Variants in PDCD1LG2 observed in about 807,000 individuals in gnomAD.
PDCD1LG2 encodes programmed cell death 1 ligand 2, also known as B7 dendritic cell molecule.
Under a neutral mutation model 28.2 loss-of-function variants are expected in PDCD1LG2, and 32 were observed. The observed-to-expected ratio is 1.13, with a 90% CI of 0.86 to 1.52. The LOEUF (loss-of-function observed/expected upper bound fraction) is 1.52. Ranked by LOEUF, PDCD1LG2 falls within the 40% of genes most tolerant of loss-of-function variation. PDCD1LG2 has a pLI of 0.00. For missense variants in PDCD1LG2, 385 were observed against 323.8 expected, an observed-to-expected ratio of 1.19 and a Z score of -1.45; for synonymous variants, 116 against 120.2, an observed-to-expected ratio of 0.97 and a Z score of 0.23.
rs193003396 is a variant in PDCD1LG2 at position 5,547,251 on chromosome 9, A to G, written c.362-2084A>G. On this transcript the variant is annotated intron_variant, in intron 3 of 6. Transcript: ENST00000397747. ...TATACTTCCAACAATTTAGGAGAAA[A>G]AAGTTGTATCACACCTCTGCCTTTA... Among the ~76,000 whole-genome samples, 801 of 152,338 alleles carry G rather than the reference A, an allele frequency of 5.3e-3. 4 individuals are homozygous for G. The highest frequency in any genetic ancestry group is 8.4e-3 in the Non-Finnish European group (574 of 68,028).
chr9:5,524,795 T>C (rs1160692952), intron 2 of PDCD1LG2, among the ~76,000 whole-genome samples: 7 of 152,142 alleles, frequency 4.6e-5, no homozygotes. Context: ...ATTATTTGTA[T>C]AATAAAATAT....
At chr9:5,522,062 A>G (rs771324855) in intron 1 of PDCD1LG2, among the ~76,000 whole-genome samples, 1 of 152,208 alleles carries the variant, frequency 6.6e-6, no homozygotes, top group Non-Finnish European at 1.5e-5. Flanking sequence ...TGCTCAGTCA[A>G]CTAGCAAGTA....
At chr9:5,530,115 C>T (rs769897260) in intron 2 of PDCD1LG2, among the ~76,000 whole-genome samples, 9 of 151,930 alleles carry the variant, frequency 5.9e-5, no homozygotes, top group Admixed American at 1.3e-4. Context: ...GCAAATAATT[C>T]GTTGTGTGTT....
At chr9:5,520,878 T>A (rs979306194) in intron 1 of PDCD1LG2, among the ~76,000 whole-genome samples, 2 of 152,186 alleles carry the variant, frequency 1.3e-5, no homozygotes, top group Non-Finnish European at 2.9e-5. Flanking sequence ...GTACCCAAGA[T>A]AATTAAAAGT....
At chr9:5,531,407 G>C (rs914806319) in intron 2 of PDCD1LG2, among the ~76,000 whole-genome samples, 6 of 152,160 alleles carry the variant, frequency 3.9e-5, no homozygotes, top group Admixed American at 2.6e-4. Flanking sequence ...ATTAGACCAA[G>C]TAACAATTAA....
At chr9:5,523,620 C>A (rs977223964) in intron 2 of PDCD1LG2, among the ~76,000 whole-genome samples, 1 of 152,234 alleles carries the variant, frequency 6.6e-6, no homozygotes, top group Admixed American at 6.5e-5. Context: ...CCTGCAGGGC[C>A]AGCTAAAGGA....
At chr9:5,560,063 C>T (rs987671642) in intron 5 of PDCD1LG2, among the ~76,000 whole-genome samples, 3 of 152,236 alleles carry the variant, frequency 2.0e-5, no homozygotes, top group African/African-American at 7.2e-5. Flanking sequence ...TCTACCTCCA[C>T]GCACCACACC....
intron 3 of PDCD1LG2, among the ~76,000 whole-genome samples, chr9:5,535,552 G>A (rs966285786): frequency 7.9e-5 from 12 of 152,098 alleles, no homozygotes; most frequent in South Asian, 2.1e-4. Context: ...TAGATCAGAC[G>A]ACATCACAGA....
chr9:5,514,485 C>A (rs1185251596), intron 1 of PDCD1LG2, among the ~76,000 whole-genome samples: 1 of 152,096 alleles, frequency 6.6e-6, no homozygotes, highest in African/African-American at 2.4e-5. Context: ...TTTCTGTTTA[C>A]GAACTTATCC....
At chr9:5,534,211 T>A (rs867364202) in intron 2 of PDCD1LG2, among the ~76,000 whole-genome samples, 17 of 152,278 alleles carry the variant, frequency 1.1e-4, no homozygotes, top group Middle Eastern at 3.4e-3. Context: ...GTAATAGTTA[T>A]TATTACCATC....
chr9:5,567,758 C>A (rs538189113), intron 6 of PDCD1LG2, among the ~76,000 whole-genome samples: 1 of 152,276 alleles, frequency 6.6e-6, no homozygotes, highest in East Asian at 1.9e-4. Context: ...ATTTGCAAGA[C>A]CCTGTCAGTT....
At chr9:5,513,349 C>A (rs1236095989) in intron 1 of PDCD1LG2, among the ~76,000 whole-genome samples, 2 of 152,240 alleles carry the variant, frequency 1.3e-5, no homozygotes, top group Non-Finnish European at 2.9e-5. Flanking sequence ...CAGTTCAAAT[C>A]CTACCCCTCT....
At chr9:5,563,707 G>A (rs1446038009) in intron 6 of PDCD1LG2, among the ~76,000 whole-genome samples, 1 of 152,152 alleles carries the variant, frequency 6.6e-6, no homozygotes, top group African/African-American at 2.4e-5. Flanking sequence ...AGCCTGGTTG[G>A]ATGAAAAGCT....
rs201731585 is a variant in PDCD1LG2, at chr9:5,522,630, G to A, written c.55+29G>A. The A allele has an allele frequency of 4.0e-5, 64 of 1,607,898 alleles. No individual in the cohort carries two copies. In the East Asian group the frequency reaches 1.4e-3, roughly 35 times the overall value. On this transcript the variant is annotated intron_variant, in intron 2 of 6. Coordinates refer to ENST00000397747, the MANE Select transcript of PDCD1LG2 (RefSeq NM_025239.4). ...AGAAAGGACAAAGGGAGAGGCTTAA[G>A]AAAGAAGAGCAGGTGGTGGTTCCTA...
intron 3 of PDCD1LG2, among the ~76,000 whole-genome samples, chr9:5,548,179 G>A (rs1240413546): frequency 6.6e-6 from 1 of 152,106 alleles, no homozygotes; most frequent in Non-Finnish European, 1.5e-5. Context: ...CCCAGCCTCT[G>A]ATAACCACCT....
At chr9:5,554,009 C>A (rs919439925) in intron 4 of PDCD1LG2, among the ~76,000 whole-genome samples, 1 of 152,122 alleles carries the variant, frequency 6.6e-6, no homozygotes, top group Non-Finnish European at 1.5e-5. Context: ...TAGCTCCAAG[C>A]CCACCCTCTC....
At chr9:5,554,398 T>A (rs1816395289) in intron 4 of PDCD1LG2, among the ~76,000 whole-genome samples, 1 of 152,196 alleles carries the variant, frequency 6.6e-6, no homozygotes, top group South Asian at 2.1e-4. Context: ...TGCCTCTGAG[T>A]TCCTGGCTTC....
intron 1 of PDCD1LG2, among the ~76,000 whole-genome samples, chr9:5,518,037 C>G (rs1820200261): frequency 6.6e-6 from 1 of 152,146 alleles, no homozygotes; most frequent in African/African-American, 2.4e-5. Flanking sequence ...ATTAACAGGA[C>G]TAGGGGATGG....
At chr9:5,558,391 T>C (rs1442034067) in intron 5 of PDCD1LG2, among the ~76,000 whole-genome samples, 4 of 152,210 alleles carry the variant, frequency 2.6e-5, no homozygotes, top group African/African-American at 4.8e-5. Flanking sequence ...AGCCCTGATT[T>C]CATTGCTTCA....
Sources: gnomAD v4.1 joint callset for allele counts (sites outside exome capture counted in the v4.1 genomes callset) on GRCh38, gnomAD v4.1.1 for gene constraint, MANE v1.5 for transcripts, NCBI Gene and HGNC (gene_info 2026-07-23, HGNC 2026-07-21) for gene names.